Variants in USP9Y observed in about 807,000 individuals in gnomAD.
The protein encoded by USP9Y is ubiquitin carboxyl-terminal hydrolase 9Y.
USP9Y carries 41 observed loss-of-function variants against 53.1 expected under a neutral mutation model. That is an observed-to-expected ratio of 0.77 (90% CI 0.60 to 1.00). The LOEUF is 1.00. Among genes scored for constraint, USP9Y ranks in the 50% least tolerant of loss-of-function variants. The probability of loss-of-function intolerance (pLI) is 0.00; values close to 1 mark genes in which losing one functional copy is unlikely to be tolerated. For missense variants in USP9Y, 567 were observed against 535.8 expected (o/e 1.06, Z -0.58); for synonymous variants, 220 against 173.7 (o/e 1.27, Z -2.09).
At chrY:12,841,161 A>G (rs762837261) in intron 37 of USP9Y, 28 bp downstream of exon 37, 1 of 374,542 alleles carries the variant, frequency 2.7e-6, no homozygotes, top group African/African-American at 6.6e-5. Flanking sequence ...TCATTCTTAT[A>G]GTACTTATAG....
At chrY:12,791,113 A>C in intron 25 of USP9Y, among the ~76,000 whole-genome samples, 2 of 33,448 alleles carry the variant, frequency 6.0e-5, no homozygotes, top group Non-Finnish European at 1.5e-4. Context: ...ATTTTTGGGT[A>C]ACTCATCAAG....
At position 12,736,015 on chromosome Y, in the gene USP9Y, A is replaced by T. The variant is rs756974566; in HGVS notation, c.791A>T (p.Tyr264Phe). The change falls in exon 9 of 46, where the codon TAT (tyrosine) becomes TTT (phenylalanine). Residue 264 changes from tyrosine to phenylalanine, a missense_variant. Physicochemically the swap from Tyr to Phe is conservative, Grantham distance 22. Coordinates refer to ENST00000338981, the MANE Select transcript of USP9Y (RefSeq NM_004654.4). ...TATTTCAGACCATTTGGACAATGCT[A>T]TGAGTTTCTCAGTCAACATACACTG... ...AALIKPFGQC[Y>F]EFLSQHTLKK... 1 of 395,690 alleles carries T rather than the reference A, an allele frequency of 2.5e-6. No homozygotes were observed. The highest frequency in any genetic ancestry group is 6.4e-5 in the African/African-American group (1 of 15,674).
intron 15 of USP9Y, among the ~76,000 whole-genome samples, chrY:12,767,606 CTG>C (rs199662654): frequency 0.023 from 606 of 26,368 alleles, no homozygotes; most frequent in African/African-American, 0.048. Flanking sequence ...GTGTGTGTAT[CTG>C]TGTGTGTGTG....
Position 12,773,816 on chromosome Y carries a change from T to C in USP9Y, c.2222T>C (p.Phe741Ser). 1 of 398,049 alleles carries C rather than the reference T, an allele frequency of 2.5e-6. No individual in the cohort carries two copies. Among genetic ancestry groups the C allele is most frequent in the Non-Finnish European group, 3.5e-6 (1 of 283,180 alleles). The change falls in exon 17 of 46, where the codon TTT (phenylalanine) becomes TCT (serine). Residue 741 changes from phenylalanine (F) to serine (S), a missense_variant. Phe to Ser is a radical substitution (Grantham distance 155). Coordinates refer to ENST00000338981, the MANE Select transcript of USP9Y (RefSeq NM_004654.4). ...TTAACTGAAAATGGAATGAAATGCT[T>C]TGAAAGATTTTTCAAAGCTGTCAAT... is the stretch of plus-strand genomic sequence containing the variant. Reference protein sequence around the residue: ...SLLTENGMKCFERFFKAVNCR... With the variant: ...SLLTENGMKCSERFFKAVNCR...
chrY:12,771,040 A>G, intron 15 of USP9Y, 28 bp from the exon 16 acceptor site: 1 of 320,458 alleles, frequency 3.1e-6, no homozygotes, highest in South Asian at 3.2e-5. Context: ...ATACATGTGT[A>G]TAATGCATAA....
chrY:12,800,627 G>A (rs2053518291), intron 27 of USP9Y, among the ~76,000 whole-genome samples: 1 of 34,010 alleles, frequency 2.9e-5, no homozygotes, highest in Non-Finnish European at 7.3e-5. Context: ...ATGTAAGGTA[G>A]TTTGTTTTGT....
rs1026835057 is a variant in USP9Y, at chrY:12,858,483, C to T, written c.7531-796C>T. ...GCTGGACTATAGGAACGCACCATCA[C>T]GCCCAGCTAATTTTTGTATTTTTAG... On this transcript the variant is annotated intron_variant, in intron 45 of 45. Transcript: ENST00000338981. Among the ~76,000 whole-genome samples the T allele has an allele frequency of 2.2e-4, 7 of 31,717 alleles. No individual in the cohort carries two copies. In the East Asian group the frequency reaches 5.8e-3, roughly 26 times the overall value. The allele number at this position is 31,717 out of a possible 37,273, so 85.1% of individuals were successfully genotyped here. A position where few individuals can be genotyped will look rare whatever the true frequency, so the allele number is the denominator to read the frequency against.
chrY:12,816,321 G>C lies in USP9Y; in HGVS notation c.4807G>C (p.Gly1603Arg). 2.5e-6 allele frequency: 1 copy of C among 398,256 alleles called. No individual in the cohort carries two copies. Among genetic ancestry groups the C allele is most frequent in the Non-Finnish European group, 3.5e-6 (1 of 283,003 alleles). Residue 1603 changes from glycine (G) to arginine (R), a missense_variant, in exon 32 of 46, where the codon GGG becomes CGG. By Grantham distance (125) the Gly-to-Arg change is moderately radical. Transcript: ENST00000338981. The stretch of plus-strand genomic sequence containing the variant: ...TAGTGATTTACACGATGATATGTTC[G>C]GGGATGAGAAGCAGGACAGTGAGGT... ...TGSDLHDDMF[G>R]DEKQDSESNV...
chrY:12,860,072 G>C lies in USP9Y; in HGVS notation c.*656G>C. On this transcript the variant is annotated 3_prime_UTR_variant, in exon 46 of 46. Coordinates refer to ENST00000338981, the MANE Select transcript of USP9Y (RefSeq NM_004654.4). ...CTTCACACTGTTTGTGTAGCCAAGA[G>C]GACAGAATTACATGAATGACAGTGC... The C allele has an allele frequency of 3.0e-5, 1 of 33,439 alleles. No individual in the cohort carries two copies. The highest frequency in any genetic ancestry group is 7.4e-5 in the Non-Finnish European group (1 of 13,586). 8.3% of individuals were successfully genotyped at this position (33,439 alleles called of 400,897 possible).
chrY:12,811,383 C>T (rs2053530556), intron 29 of USP9Y, among the ~76,000 whole-genome samples: 2 of 33,307 alleles, frequency 6.0e-5, no homozygotes, highest in Non-Finnish European at 1.5e-4. Flanking sequence ...AGCAGCATTT[C>T]GGGCCTCTTC....
At chrY:12,822,174 T>A in intron 33 of USP9Y, among the ~76,000 whole-genome samples, 1 of 33,712 alleles carries the variant, frequency 3.0e-5, no homozygotes, top group Non-Finnish European at 7.3e-5. Flanking sequence ...CTGTACTTTT[T>A]TGAGGAAATG....
intron 33 of USP9Y, among the ~76,000 whole-genome samples, chrY:12,821,593 A>G (rs770406059): frequency 3.2e-5 from 1 of 31,569 alleles, no homozygotes; most frequent in Non-Finnish European, 7.7e-5. Flanking sequence ...TGGAGCCACC[A>G]AATTGGTTTC....
chrY:12,823,758 G>A (rs549892553), intron 33 of USP9Y, among the ~76,000 whole-genome samples: 1 of 33,118 alleles, frequency 3.0e-5, no homozygotes, highest in African/African-American at 1.2e-4. Context: ...GGATTTGGCA[G>A]TGATTTGTTT....
intron 26 of USP9Y, 105 bp from the exon 27 acceptor site, chrY:12,792,927 G>A: frequency 3.8e-6 from 1 of 264,851 alleles, no homozygotes. Flanking sequence ...GTCTGAGGCC[G>A]CATGGTCTTT....
intron 17 of USP9Y, 23 bp downstream of exon 17, chrY:12,773,948 C>T (rs1305428009): frequency 3.0e-6 from 1 of 333,467 alleles, no homozygotes; most frequent in South Asian, 3.3e-5. Flanking sequence ...TAAGAACTTT[C>T]ATATGCCAAC....
At chrY:12,724,527 G>A in intron 5 of USP9Y, among the ~76,000 whole-genome samples, 1 of 34,002 alleles carries the variant, frequency 2.9e-5, no homozygotes, top group Non-Finnish European at 7.3e-5. Flanking sequence ...ATTGCAGTGA[G>A]CTGAGGTTGT....
At chrY:12,727,219 G>T (rs2053443582) in intron 7 of USP9Y, among the ~76,000 whole-genome samples, 1 of 33,856 alleles carries the variant, frequency 3.0e-5, no homozygotes, top group South Asian at 6.5e-4. Context: ...ACCTCAGTGA[G>T]ATTTAAAAAT....
intron 33 of USP9Y, among the ~76,000 whole-genome samples, chrY:12,831,366 G>T (rs2053550560): frequency 3.0e-5 from 1 of 33,284 alleles, no homozygotes; most frequent in African/African-American, 1.2e-4. Flanking sequence ...AATAGTAATT[G>T]CTGGTGAGGC....
chrY:12,736,271 A>G, intron 9 of USP9Y, 22 bp downstream of exon 9: 1 of 377,065 alleles, frequency 2.7e-6, no homozygotes. Flanking sequence ...TCCACCTTAA[A>G]TTATTTGTGT....
Sources: gnomAD v4.1 joint callset for allele counts (sites outside exome capture counted in the v4.1 genomes callset) on GRCh38, gnomAD v4.1.1 for gene constraint, MANE v1.5 for transcripts, NCBI Gene and HGNC (gene_info 2026-07-23, HGNC 2026-07-21) for gene names.